The following MAP7D2 variants were observed in gnomAD, a reference collection of about 807,000 sequenced individuals.
The protein encoded by MAP7D2 is MAP7 domain containing 2, also known as MAP7 domain-containing protein 2.
A neutral mutation model predicts 63.5 loss-of-function variants in MAP7D2; 33 were observed. That is an observed-to-expected ratio of 0.52 (90% CI 0.39 to 0.70). MAP7D2 has a LOEUF of 0.70. MAP7D2 is among the 30% of genes least tolerant of loss of function. The probability of loss-of-function intolerance (pLI) is 0.00; values close to 1 mark genes in which losing one functional copy is unlikely to be tolerated. For missense variants in MAP7D2, 626 were observed against 604.0 expected, an observed-to-expected ratio of 1.04 and a Z score of -0.38; for synonymous variants, 224 against 223.7, an observed-to-expected ratio of 1.00 and a Z score of -0.01.
chrX:20,070,491 A>T lies in MAP7D2; in HGVS notation c.131-5686T>A, dbSNP rs761787540. ...AAATACAAAAGTTTAATTATTTTTT[A>T]AAAAAATCTGGCCCAAATGTGAAGC... On this transcript the variant is annotated intron_variant, in intron 1 of 16. Transcript: ENST00000379643. Among the ~76,000 whole-genome samples, 391 of 110,290 alleles carry T rather than the reference A, an allele frequency of 3.5e-3. 2 individuals carry two copies. The highest frequency in any genetic ancestry group is 0.012 in the African/African-American group (362 of 30,317).
intron 8 of MAP7D2, among the ~76,000 whole-genome samples, chrX:20,039,262 T>C (rs778771342): frequency 6.2e-5 from 7 of 112,679 alleles, no homozygotes; most frequent in Non-Finnish European, 9.4e-5. Flanking sequence ...AAGACTACCA[T>C]CTGTGGACCC....
intron 8 of MAP7D2, among the ~76,000 whole-genome samples, chrX:20,032,614 A>G (rs2074086006): frequency 8.9e-6 from 1 of 111,983 alleles, no homozygotes; most frequent in African/African-American, 3.2e-5. Flanking sequence ...TGATAAAGTG[A>G]AATTAAACTA....
At chrX:20,030,879 C>T (rs1403038296) in intron 8 of MAP7D2, among the ~76,000 whole-genome samples, 1 of 112,004 alleles carries the variant, frequency 8.9e-6, no homozygotes, top group Non-Finnish European at 1.9e-5. Context: ...GAGAAGGACC[C>T]AACACCTCTG....
chrX:20,098,450 A>G (rs2066332117), intron 1 of MAP7D2, among the ~76,000 whole-genome samples: 2 of 112,368 alleles, frequency 1.8e-5, no homozygotes, highest in Admixed American at 1.9e-4. Context: ...GAGGGTTTAA[A>G]CAACTGGAAG....
rs1166735426 is a variant in MAP7D2 at position 20,010,912 on chromosome X, G to A, written c.2213C>T (p.Thr738Ile). 1 of 1,209,517 alleles carries A rather than the reference G, an allele frequency of 8.3e-7. No individual in the cohort carries two copies. Among genetic ancestry groups the A allele is most frequent in the Admixed American group, 2.2e-5 (1 of 45,640 alleles). The change falls in exon 16 of 17, where the codon ACA becomes ATA. Residue 738 changes from threonine to isoleucine, a missense_variant. Coordinates refer to ENST00000379643, the MANE Select transcript of MAP7D2 (RefSeq NM_001168465.2). Reference sequence around the variant, plus strand: ...ATTTTCACTGGATCTCTTGGGGAATGTCGGGGGACCAGTGAAATCTAAGAG... The same window carrying A: ...ATTTTCACTGGATCTCTTGGGGAATATCGGGGGACCAGTGAAATCTAAGAG... ...QDLLDFTGPPTFPKRSSENLS... is the reference protein window; with the variant it reads ...QDLLDFTGPPIFPKRSSENLS...
chrX:20,051,649 G>C, intron 5 of MAP7D2, among the ~76,000 whole-genome samples: 2 of 111,330 alleles, frequency 1.8e-5, no homozygotes, highest in Middle Eastern at 9.3e-3. Flanking sequence ...TTTAGGTCCT[G>C]CGCTAAGAAG....
intron 1 of MAP7D2, among the ~76,000 whole-genome samples, chrX:20,092,921 G>C (rs1402455152): frequency 1.8e-5 from 2 of 112,381 alleles, no homozygotes; most frequent in Non-Finnish European, 3.8e-5. Flanking sequence ...CACTACATTT[G>C]TAAGGCAAGC....
At position 20,025,677 on chromosome X, in the gene MAP7D2, C is replaced by T. The variant is rs775412595; in HGVS notation, c.1279+4G>A. 2.0e-5 allele frequency: 24 copies of T among 1,211,373 alleles called. No individual in the cohort carries two copies. In the South Asian group the frequency reaches 4.0e-4, roughly 20 times the overall value. ...GAAAGCCAAGGCACGGTGGCAGCAT[C>T]TACCTGCGCTGTTTTCGGCTTTCCC... On this transcript the variant is annotated splice_donor_region_variant and intron_variant, in intron 9 of 16. Coordinates refer to ENST00000379643, the MANE Select transcript of MAP7D2 (RefSeq NM_001168465.2).
At chrX:20,105,311 C>T (rs917114556) in intron 1 of MAP7D2, among the ~76,000 whole-genome samples, 2 of 111,393 alleles carry the variant, frequency 1.8e-5, no homozygotes, top group Non-Finnish European at 1.9e-5. Flanking sequence ...ACCAGAGTAC[C>T]ACACTGGTTG....
intron 10 of MAP7D2, among the ~76,000 whole-genome samples, chrX:20,019,939 A>G (rs1305319117): frequency 8.9e-6 from 1 of 111,932 alleles, no homozygotes; most frequent in African/African-American, 3.3e-5. Context: ...GGTGTAAACG[A>G]GGCTGGCTGG....
At chrX:20,050,779 C>A in intron 6 of MAP7D2, 45 bp downstream of exon 6, 1 of 1,125,800 alleles carries the variant, frequency 8.9e-7, no homozygotes, top group Admixed American at 3.3e-5. Flanking sequence ...TGACCAACAC[C>A]TCTTCGGGCA....
rs151305022 is a variant in MAP7D2 at position 20,042,573 on chromosome X, G to T, written c.936C>A (p.Phe312Leu). ...ACTCACATCTTCTCAGAGGGGACCC[G>T]AAGTTCACAACAGGAAGAGAAGTTG... ...RTATSLPVVN[F>L]GSPLRRCEFS... The change falls in exon 8 of 17, where the codon TTC becomes TTA. Residue 312 changes from phenylalanine (F) to leucine (L), a missense_variant. By Grantham distance (22) the Phe-to-Leu change is conservative. Transcript: ENST00000379643. 2.9e-4 allele frequency: 346 copies of T among 1,209,669 alleles called. 1 individual carries two copies. The African/African-American group carries it at 5.5e-3, about 19-fold the overall frequency.
At chrX:20,106,065 A>G (rs967042281) in intron 1 of MAP7D2, among the ~76,000 whole-genome samples, 1 of 111,890 alleles carries the variant, frequency 8.9e-6, no homozygotes, top group Non-Finnish European at 1.9e-5. Flanking sequence ...ACTATCAACA[A>G]TAATCCACTC....
At chrX:20,057,123 G>A (rs754078086) in intron 3 of MAP7D2, among the ~76,000 whole-genome samples, 1 of 112,752 alleles carries the variant, frequency 8.9e-6, no homozygotes, top group South Asian at 3.6e-4. Context: ...CAGGAGAGCT[G>A]GAATTCTGCT....
rs2073042509 is a variant in MAP7D2 at position 20,007,351 on chromosome X, G to A, written c.*1074C>T. 1 of 111,830 alleles carries A rather than the reference G, an allele frequency of 8.9e-6. No individual in the cohort carries two copies. Among genetic ancestry groups the A allele is most frequent in the Non-Finnish European group, 1.9e-5 (1 of 53,136 alleles). 9.2% of individuals were successfully genotyped at this position (111,830 alleles called of 1,213,427 possible). A position where few individuals can be genotyped will look rare whatever the true frequency, so the allele number is the denominator to read the frequency against. On this transcript the variant is annotated 3_prime_UTR_variant, in exon 17 of 17. Transcript: ENST00000379643. Reference sequence around the variant, plus strand: ...CATTTTAATTTGAAAGCCACATTTCGCCACAAGAAACAAAATTAAGAAAAC... The same window carrying A: ...CATTTTAATTTGAAAGCCACATTTCACCACAAGAAACAAAATTAAGAAAAC...
chrX:20,098,132 T>C (rs1027985285), intron 1 of MAP7D2, among the ~76,000 whole-genome samples: 8 of 111,855 alleles, frequency 7.2e-5, no homozygotes, highest in African/African-American at 2.3e-4. Context: ...CCCCTCCTAC[T>C]TAACAGAGTA....
At chrX:20,013,186 A>G in intron 13 of MAP7D2, 54 bp from the exon 14 acceptor site, 1 of 952,114 alleles carries the variant, frequency 1.1e-6, no homozygotes, top group Non-Finnish European at 1.5e-6. Context: ...TCACACAGAA[A>G]AAAAGTACTT....
At chrX:20,098,446 T>G (rs142691004) in intron 1 of MAP7D2, among the ~76,000 whole-genome samples, 1,453 of 112,108 alleles carry the variant, frequency 0.013, 24 homozygotes, top group African/African-American at 0.044. Context: ...CCAGGAGGGT[T>G]TAAACAACTG....
chrX:20,108,973 T>G (rs1030584101), intron 1 of MAP7D2, among the ~76,000 whole-genome samples: 2 of 110,212 alleles, frequency 1.8e-5, no homozygotes, highest in African/African-American at 6.6e-5. Context: ...GGAAATTCCA[T>G]TAAATGGAAC....
Sources: allele counts gnomAD v4.1 joint callset (sites outside exome capture counted in the v4.1 genomes callset), GRCh38; gene constraint gnomAD v4.1.1; transcripts MANE v1.5; gene names NCBI Gene and HGNC (gene_info 2026-07-23, HGNC 2026-07-21).